Variants in DCLK3 observed in about 807,000 individuals in gnomAD.
DCLK3 encodes the protein doublecortin like kinase 3, also known as serine/threonine-protein kinase DCLK3.
In DCLK3, 30 loss-of-function variants were observed where a neutral mutation model predicts 46.4. The ratio of observed to expected loss-of-function variants is 0.65; its 90% CI spans 0.48 to 0.88. The LOEUF is 0.88. Among genes scored for constraint, DCLK3 ranks in the 40% least tolerant of loss-of-function variants. The pLI is 0.00. For synonymous variants in DCLK3, 401 were observed against 339.2 expected (o/e 1.18, Z -2.00); for missense variants, 846 against 907.1 (o/e 0.93, Z 0.87).
chr3:36,748,356 T>C lies in DCLK3; in HGVS notation c.83-9272A>G, dbSNP rs1030135446. Reference sequence around the variant, plus strand: ...GTTGGAACACAGGGTTGAGTGAGAATGCTGAAGGAGCTGTGTTTCAAAGAC... The same window carrying C: ...GTTGGAACACAGGGTTGAGTGAGAACGCTGAAGGAGCTGTGTTTCAAAGAC... On this transcript the variant is annotated intron_variant, in intron 1 of 4. Coordinates refer to ENST00000636136, the MANE Select transcript of DCLK3 (RefSeq NM_001394672.2). Among the ~76,000 whole-genome samples, 135 of 152,124 alleles carry C rather than the reference T, an allele frequency of 8.9e-4. 1 individual carries two copies. The highest frequency in any genetic ancestry group is 2.9e-4 in the Non-Finnish European group (20 of 68,006).
At chr3:36,718,869 T>C (rs926205325) in intron 3 of DCLK3, among the ~76,000 whole-genome samples, 3 of 152,174 alleles carry the variant, frequency 2.0e-5, no homozygotes, top group Non-Finnish European at 4.4e-5. Flanking sequence ...GAGACATGTA[T>C]ACTTTTCTAA....
At chr3:36,731,241 G>C (rs559954502) in intron 2 of DCLK3, among the ~76,000 whole-genome samples, 1 of 152,150 alleles carries the variant, frequency 6.6e-6, no homozygotes, top group Admixed American at 6.5e-5. Flanking sequence ...TCACCACCTA[G>C]TCATCCAATC....
At chr3:36,729,254 G>T (rs961613140) in intron 2 of DCLK3, among the ~76,000 whole-genome samples, 6 of 151,572 alleles carry the variant, frequency 4.0e-5, no homozygotes, top group South Asian at 2.1e-4. Context: ...TGTGTGGGGG[G>T]GGGGGGTACA....
chr3:36,756,145 A>C (rs1363725492), intron 1 of DCLK3, among the ~76,000 whole-genome samples: 4 of 152,222 alleles, frequency 2.6e-5, no homozygotes, highest in African/African-American at 9.6e-5. Context: ...GTGAAGTAGG[A>C]CAGTGGCATG....
chr3:36,750,378 G>A (rs151089114), intron 1 of DCLK3, among the ~76,000 whole-genome samples: 2 of 152,070 alleles, frequency 1.3e-5, no homozygotes, highest in South Asian at 2.1e-4. Context: ...CACCACACCC[G>A]GCCTTCTTAA....
chr3:36,760,237 A>G (rs1701526967), intron 1 of DCLK3, among the ~76,000 whole-genome samples: 1 of 152,218 alleles, frequency 6.6e-6, no homozygotes, highest in Non-Finnish European at 1.5e-5. Context: ...TTCAGGTCCC[A>G]CAAAGGACTC....
chr3:36,721,998 T>C (rs1165770644), intron 2 of DCLK3, among the ~76,000 whole-genome samples: 4 of 152,356 alleles, frequency 2.6e-5, no homozygotes, highest in African/African-American at 9.6e-5. Flanking sequence ...TTGTGGCTTG[T>C]GGCTACTATA....
Position 36,737,440 on chromosome 3 carries a change from T to C in DCLK3, c.1727A>G (p.Gln576Arg). The C allele has an allele frequency of 6.2e-7, 1 of 1,614,230 alleles. No individual in the cohort carries two copies. The highest frequency in any genetic ancestry group is 1.6e-4 in the Middle Eastern group (1 of 6,062). ...DMVDSEILII[Q>R]SLSHPNIVKL... Reference sequence around the variant, plus strand: ...CACGATGTTGGGGTGAGAGAGGCTCTGGATGATCAAGATCTCACTGTCCAC... The same window carrying C: ...CACGATGTTGGGGTGAGAGAGGCTCCGGATGATCAAGATCTCACTGTCCAC... Residue 576 changes from glutamine (Q) to arginine (R), a missense_variant, in exon 2 of 5, where the codon CAG becomes CGG. Around this residue, in one of 3 missense-constraint regions of DCLK3, gnomAD observed 247 missense variants for 322.8 expected, o/e 0.77. Coordinates refer to ENST00000636136, the MANE Select transcript of DCLK3 (RefSeq NM_001394672.2). This position sits in a 1 kb window ranked among gnomAD's most constrained non-coding sequence, Gnocchi z 4.4.
In DCLK3 at chr3:36,738,822, G is replaced by A; in HGVS notation, c.345C>T (p.Asn115=). 1.1e-6 allele frequency: 1 copy of A among 881,904 alleles called. No homozygotes were observed. Among genetic ancestry groups the A allele is most frequent in the Non-Finnish European group, 1.5e-6 (1 of 648,522 alleles). 54.6% of individuals were successfully genotyped at this position (881,904 alleles called of 1,614,324 possible). A position where few individuals can be genotyped will look rare whatever the true frequency, so the allele number is the denominator to read the frequency against. Reference sequence around the variant, plus strand: ...GCTCGAACGTCTGCACTGATCGCCTGTTGAGGAGCAGAGTGATCTTTCGGG... The same window carrying A: ...GCTCGAACGTCTGCACTGATCGCCTATTGAGGAGCAGAGTGATCTTTCGGG... The part of the protein sequence containing the change: ...QRPRKITLLL[N]RRSVQTFEQL... The change falls in exon 2 of 5, where the codon AAC becomes AAT. Residue 115 remains asparagine (N), a synonymous_variant. Coordinates refer to ENST00000636136, the MANE Select transcript of DCLK3 (RefSeq NM_001394672.2).
chr3:36,761,323 TA>T (rs1299631660), intron 1 of DCLK3, among the ~76,000 whole-genome samples: 1 of 152,180 alleles, frequency 6.6e-6, no homozygotes, highest in Non-Finnish European at 1.5e-5. Flanking sequence ...CAATTGCTAT[TA>T]AATGAATGGT....
intron 1 of DCLK3, among the ~76,000 whole-genome samples, chr3:36,751,615 A>G (rs2125536774): frequency 6.6e-6 from 1 of 152,368 alleles, no homozygotes; most frequent in South Asian, 2.1e-4. Context: ...TTGCCTTCAG[A>G]GGCTTTATAA....
At chr3:36,727,139 A>C (rs1457418533) in intron 2 of DCLK3, among the ~76,000 whole-genome samples, 1 of 152,046 alleles carries the variant, frequency 6.6e-6, no homozygotes, top group Non-Finnish European at 1.5e-5. Flanking sequence ...AACAAAAAAA[A>C]ACAGCTGGGC....
At chr3:36,729,253 G>T (rs868735708) in intron 2 of DCLK3, among the ~76,000 whole-genome samples, 17 of 144,088 alleles carry the variant, frequency 1.2e-4, no homozygotes, top group South Asian at 2.1e-4. Flanking sequence ...GTGTGTGGGG[G>T]GGGGGGGTAC....
chr3:36,749,017 G>C (rs1466495723), intron 1 of DCLK3, among the ~76,000 whole-genome samples: 2 of 152,056 alleles, frequency 1.3e-5, no homozygotes, highest in African/African-American at 4.8e-5. Flanking sequence ...CTCACCCTAG[G>C]TTTCATGTTT....
chr3:36,724,355 A>C (rs1343707491), intron 2 of DCLK3, among the ~76,000 whole-genome samples: 1 of 152,228 alleles, frequency 6.6e-6, no homozygotes, highest in African/African-American at 2.4e-5. Flanking sequence ...GTTAATGCTG[A>C]AATGAGTTAA....
Position 36,713,024 on chromosome 3 carries a change from TC to T in DCLK3, c.*2303del, listed in dbSNP as rs1193686543. The T allele has an allele frequency of 6.6e-6, 1 of 152,238 alleles. No individual in the cohort carries two copies. Among genetic ancestry groups the T allele is most frequent in the Non-Finnish European group, 1.5e-5 (1 of 68,042 alleles). 9.4% of individuals were successfully genotyped at this position (152,238 alleles called of 1,614,324 possible). Reference sequence around the variant, plus strand: ...ACCAAACCATTCTCCAAAGGAGAAGTCCCATTTTATACTCCCAGCAGCAATG... The same window carrying T: ...ACCAAACCATTCTCCAAAGGAGAAGTCCATTTTATACTCCCAGCAGCAATG... On this transcript the variant is annotated 3_prime_UTR_variant, in exon 5 of 5. Transcript: ENST00000636136.
At chr3:36,743,936 G>C (rs956306793) in intron 1 of DCLK3, among the ~76,000 whole-genome samples, 2 of 152,208 alleles carry the variant, frequency 1.3e-5, no homozygotes, top group Non-Finnish European at 2.9e-5. Context: ...TAAGTTCGCA[G>C]TGATAGCTCC....
intron 1 of DCLK3, among the ~76,000 whole-genome samples, chr3:36,754,209 A>C (rs569833442): frequency 6.6e-6 from 1 of 152,372 alleles, no homozygotes; most frequent in South Asian, 2.1e-4. Context: ...GCAAACTTAT[A>C]TGCTAATACT....
intron 1 of DCLK3, among the ~76,000 whole-genome samples, chr3:36,757,678 C>T (rs914942656): frequency 6.6e-6 from 1 of 152,172 alleles, no homozygotes; most frequent in African/African-American, 2.4e-5. Context: ...GGAAAAGTCA[C>T]ATCAGTGAGA....
Sources: allele counts gnomAD v4.1 joint callset (sites outside exome capture counted in the v4.1 genomes callset), GRCh38; gene constraint gnomAD v4.1.1; regional missense constraint gnomAD v4.1.1; non-coding constraint Gnocchi (gnomAD v3.1); transcripts MANE v1.5; gene names NCBI Gene and HGNC (gene_info 2026-07-23, HGNC 2026-07-21).